NLRP11: variants seen among roughly 807,000 people sequenced by gnomAD.
The protein encoded by NLRP11 is NLR family pyrin domain containing 11, also known as NACHT, LRR and PYD domains-containing protein 11.
NLRP11 carries 53 observed loss-of-function variants against 79.3 expected under a neutral mutation model. The observed-to-expected ratio is 0.67, with a 90% CI of 0.54 to 0.84. NLRP11 has a LOEUF of 0.84. NLRP11 is among the 40% of genes least tolerant of loss of function. The probability of loss-of-function intolerance (pLI) is 0.00; values close to 1 mark genes in which losing one functional copy is unlikely to be tolerated. For synonymous variants in NLRP11, 518 were observed against 462.6 expected (o/e 1.12, Z -1.54); for missense variants, 1,264 against 1,255.0 (o/e 1.01, Z -0.11).
chr19:55,827,584 C>G (rs1300071392), intron 1 of NLRP11, among the ~76,000 whole-genome samples: 1 of 149,576 alleles, frequency 6.7e-6, no homozygotes, highest in Non-Finnish European at 1.5e-5. Context: ...AAACAAACAA[C>G]CCCATCAAAA....
chr19:55,807,815 A>AG (rs1416609720), intron 4 of NLRP11, 38 bp downstream of exon 4: 8 of 1,437,784 alleles, frequency 5.6e-6, no homozygotes, highest in Non-Finnish European at 7.6e-6. Context: ...CGTTATTCCT[A>AG]GGGGAACCTC....
Position 55,808,784 on chromosome 19 carries a change from A to G in NLRP11, c.1826T>C (p.Ile609Thr), listed in dbSNP as rs138043495. Reference sequence around the variant, plus strand: ...AAAGACTCACCTAGCAGTTGGCCTTATAAGTGGCTCTTTGTTTTGAAAGAT... The same window carrying G: ...AAAGACTCACCTAGCAGTTGGCCTTGTAAGTGGCTCTTTGTTTTGAAAGAT... The change falls in exon 3 of 10, where the codon ATA becomes ACA. Residue 609 changes from isoleucine to threonine, a missense_variant. Ile to Thr is a moderately conservative substitution (Grantham distance 89). Transcript: ENST00000589093. 2.4e-5 allele frequency: 39 copies of G among 1,609,470 alleles called. No homozygotes were observed. The African/African-American group carries it at 3.5e-4, about 14-fold the overall frequency.
At chr19:55,822,567 G>A (rs982079975) in intron 1 of NLRP11, among the ~76,000 whole-genome samples, 3 of 152,174 alleles carry the variant, frequency 2.0e-5, no homozygotes, top group African/African-American at 4.8e-5. Flanking sequence ...CACCGTGCGC[G>A]AGCCGAAGCA....
chr19:55,834,797 A>G (rs954956074), upstream of NLRP11, among the ~76,000 whole-genome samples: 9 of 152,264 alleles, frequency 5.9e-5, no homozygotes, highest in Non-Finnish European at 1.2e-4. Flanking sequence ...AACCGCAGCT[A>G]TAACAAACTC....
intron 6 of NLRP11, 148 bp downstream of exon 6, chr19:55,795,932 A>G: frequency 1.5e-6 from 1 of 667,240 alleles, no homozygotes; most frequent in Non-Finnish European, 2.5e-6. Context: ...AACCCAGAGT[A>G]TTAACCCAGA....
At chr19:55,835,262 C>T (rs1034567344), upstream of NLRP11, among the ~76,000 whole-genome samples, 46 of 152,216 alleles carry the variant, frequency 3.0e-4, no homozygotes, top group African/African-American at 1.1e-3. Context: ...TGAGGTTTGG[C>T]GTGAACCCAG....
intron 2 of NLRP11, 133 bp downstream of exon 2, chr19:55,817,771 G>T: frequency 1.5e-6 from 1 of 681,230 alleles, no homozygotes; most frequent in Non-Finnish European, 2.4e-6. Flanking sequence ...CACCACTAAA[G>T]AACTTACTCA....
Position 55,809,017 on chromosome 19 carries a change from A to T in NLRP11, c.1593T>A (p.His531Gln), listed in dbSNP as rs1980295416. 2 of 1,614,062 alleles carry T rather than the reference A, an allele frequency of 1.2e-6. No individual in the cohort carries two copies. ...TCAACTTTTCCGGGTCACGGTCCAAATGTTTCATGTATCCCACCGAGTACC... is the reference window on the plus strand; with the variant it reads ...TCAACTTTTCCGGGTCACGGTCCAATTGTTTCATGTATCCCACCGAGTACC... The change falls in exon 3 of 10, where the codon CAT becomes CAA. Residue 531 changes from histidine (H) to glutamine (Q), a missense_variant. Transcript: ENST00000589093. This position sits in a 1 kb window ranked among gnomAD's most constrained non-coding sequence, Gnocchi z 4.5.
chr19:55,815,802 T>C (rs1033497843), intron 2 of NLRP11, among the ~76,000 whole-genome samples: 7 of 152,240 alleles, frequency 4.6e-5, no homozygotes, highest in South Asian at 2.1e-4. Context: ...AACAATGAAG[T>C]CCAGTTAACT....
intron 1 of NLRP11, among the ~76,000 whole-genome samples, chr19:55,819,470 G>T (rs1981476792): frequency 6.6e-6 from 1 of 152,162 alleles, no homozygotes; most frequent in African/African-American, 2.4e-5. Context: ...ACGAGAAGTT[G>T]AGATTGCCGA....
upstream of NLRP11, among the ~76,000 whole-genome samples, chr19:55,834,253 A>G (rs899071162): frequency 2.0e-5 from 3 of 152,208 alleles, no homozygotes; most frequent in Non-Finnish European, 4.4e-5. Context: ...CACATAACTG[A>G]CCAAACCACT....
Position 55,789,401 on chromosome 19 carries a change from T to G in NLRP11, c.2514-2A>C. 1.2e-6 allele frequency: 2 copies of G among 1,609,416 alleles called. No individual in the cohort carries two copies. Among genetic ancestry groups the G allele is most frequent in the Non-Finnish European group, 1.7e-6 (2 of 1,178,310 alleles). On this transcript the variant is annotated splice_acceptor_variant, in intron 7 of 9. Transcript: ENST00000589093. LOFTEE classifies it high-confidence loss of function. ...CTGCTAAAGAAACAGCCAGACAGAC[T>G]GCAAAACAGAAACATGAGCTAGAGT...
At chr19:55,819,064 C>T (rs1277708026) in intron 1 of NLRP11, among the ~76,000 whole-genome samples, 1 of 150,976 alleles carries the variant, frequency 6.6e-6, no homozygotes, top group African/African-American at 2.4e-5. Context: ...CAAGGTGCTA[C>T]TGCCCTTTGG....
intron 4 of NLRP11, among the ~76,000 whole-genome samples, chr19:55,807,012 C>A (rs1980063875): frequency 6.6e-6 from 1 of 152,150 alleles, no homozygotes; most frequent in South Asian, 2.1e-4. Flanking sequence ...CCTGACCTTG[C>A]CATTCTTTTC....
upstream of NLRP11, chr19:55,832,703 A>ATGGTT (rs1982910656): frequency 6.6e-6 from 1 of 152,238 alleles, no homozygotes; most frequent in African/African-American, 2.4e-5. Flanking sequence ...ATATCTATTC[A>ATGGTT]TGGTTTTAGA....
chr19:55,797,975 A>T (rs1979092110), intron 5 of NLRP11, among the ~76,000 whole-genome samples: 1 of 151,758 alleles, frequency 6.6e-6, no homozygotes, highest in African/African-American at 2.4e-5. Flanking sequence ...CCCAGCGTGA[A>T]ATGGTGTATT....
intron 6 of NLRP11, among the ~76,000 whole-genome samples, chr19:55,793,648 G>C (rs1456664349): frequency 6.6e-6 from 1 of 150,500 alleles, no homozygotes; most frequent in Non-Finnish European, 1.5e-5. Flanking sequence ...ATGGGAAAAG[G>C]GTACACTAGA....
chr19:55,809,541 G>T lies in NLRP11; in HGVS notation c.1069C>A (p.Arg357Ser), dbSNP rs1568636556. 6.2e-7 allele frequency: 1 copy of T among 1,614,048 alleles called. No individual in the cohort carries two copies. Among genetic ancestry groups the T allele is most frequent in the African/African-American group, 1.3e-5 (1 of 74,918 alleles). Residue 357 changes from arginine to serine, a missense_variant, in exon 3 of 10, where the codon CGT (arginine) becomes AGT (serine). Arg to Ser is a moderately radical substitution (Grantham distance 110). Transcript: ENST00000589093. This position sits in a 1 kb window ranked among gnomAD's most constrained non-coding sequence, Gnocchi z 4.5. ...GTTTGGCAGCAGAGCTGGAAGTCAC[G>T]CCCCTTGTCCATCTGCCGCTTCAGG... is the stretch of plus-strand genomic sequence containing the variant.
intron 1 of NLRP11, among the ~76,000 whole-genome samples, chr19:55,827,229 T>A (rs1442087775): frequency 2.1e-5 from 3 of 140,708 alleles, no homozygotes; most frequent in Non-Finnish European, 1.5e-5. Flanking sequence ...AAGCTGAAAC[T>A]GGATCCCTTC....
Sources: gnomAD v4.1 joint callset for allele counts (sites outside exome capture counted in the v4.1 genomes callset) on GRCh38, gnomAD v4.1.1 for gene constraint, Gnocchi (gnomAD v3.1) non-coding constraint, MANE v1.5 for transcripts, NCBI Gene and HGNC (gene_info 2026-07-23, HGNC 2026-07-21) for gene names.